The following SESTD1 variants were observed in gnomAD, a reference collection of about 807,000 sequenced individuals.
The protein encoded by SESTD1 is SEC14 domain and spectrin repeat-containing protein 1.
Under a neutral mutation model 101.7 loss-of-function variants are expected in SESTD1, and 43 were observed. The observed-to-expected ratio is 0.42, with a 90% CI of 0.33 to 0.55. The LOEUF (loss-of-function observed/expected upper bound fraction) is 0.55. Ranked by LOEUF, SESTD1 falls within the 20% of genes least tolerant of loss-of-function variation. SESTD1 has a pLI of 0.07. For synonymous variants in SESTD1, 283 were observed against 286.8 expected, an observed-to-expected ratio of 0.99 and a Z score of 0.13; for missense variants, 647 against 815.1, an observed-to-expected ratio of 0.79 and a Z score of 2.51.
intron 9 of SESTD1, among the ~76,000 whole-genome samples, chr2:179,143,213 T>C (rs1396893298): frequency 6.6e-6 from 1 of 152,124 alleles, no homozygotes; most frequent in Non-Finnish European, 1.5e-5. Flanking sequence ...GTTATTTTGT[T>C]AGGATAGAAA....
intron 16 of SESTD1, 66 bp downstream of exon 16, chr2:179,114,999 A>G: frequency 2.2e-6 from 3 of 1,370,660 alleles, no homozygotes; most frequent in Non-Finnish European, 3.0e-6. Context: ...CATTACTAAA[A>G]TTAACATATT....
At chr2:179,197,349 T>C (rs1410761919) in intron 1 of SESTD1, among the ~76,000 whole-genome samples, 5 of 152,050 alleles carry the variant, frequency 3.3e-5, no homozygotes, top group Admixed American at 6.5e-5. Flanking sequence ...TACCTGAAAG[T>C]GATGGGGAGA....
chr2:179,154,424 T>C (rs1432819028), intron 5 of SESTD1, among the ~76,000 whole-genome samples: 1 of 152,172 alleles, frequency 6.6e-6, no homozygotes, highest in Non-Finnish European at 1.5e-5. Context: ...TATAAAATGA[T>C]TCCAGCTAGT....
chr2:179,258,564 T>G (rs569572014), intron 1 of SESTD1, among the ~76,000 whole-genome samples: 7 of 152,340 alleles, frequency 4.6e-5, no homozygotes, highest in South Asian at 2.1e-4. Context: ...GCAAATCTAC[T>G]AGAAGGCAAT....
At chr2:179,136,000 T>G (rs937136235) in intron 9 of SESTD1, among the ~76,000 whole-genome samples, 1 of 152,164 alleles carries the variant, frequency 6.6e-6, no homozygotes, top group Non-Finnish European at 1.5e-5. Context: ...AGGGCTAGGG[T>G]ACTAGGATTC....
chr2:179,252,892 C>T (rs892801762), intron 1 of SESTD1, among the ~76,000 whole-genome samples: 7 of 152,170 alleles, frequency 4.6e-5, no homozygotes, highest in African/African-American at 1.7e-4. Flanking sequence ...GTTTGATACC[C>T]CTTTCTTTCT....
chr2:179,155,345 A>T (rs1049604521), intron 5 of SESTD1, among the ~76,000 whole-genome samples: 1 of 152,190 alleles, frequency 6.6e-6, no homozygotes, highest in Admixed American at 6.5e-5. Flanking sequence ...ATATAACTAT[A>T]TATACTAAGA....
At position 179,106,329 on chromosome 2, in the gene SESTD1, C is replaced by T. The variant is rs576356798; in HGVS notation, c.*3570G>A. The T allele has an allele frequency of 6.6e-6, 1 of 152,272 alleles. No individual in the cohort carries two copies. The highest frequency in any genetic ancestry group is 6.5e-5 in the Admixed American group (1 of 15,290). 9.4% of individuals were successfully genotyped at this position (152,272 alleles called of 1,614,324 possible). On this transcript the variant is annotated 3_prime_UTR_variant, in exon 18 of 18. Transcript: ENST00000428443. ...AGTAGCAACAGTATTTTACTACGGCCTTGTGTACTTTGGGTAGGATGTGAG... is the reference window on the plus strand; with the variant it reads ...AGTAGCAACAGTATTTTACTACGGCTTTGTGTACTTTGGGTAGGATGTGAG...
At chr2:179,111,788 C>T (rs1207072317) in intron 17 of SESTD1, among the ~76,000 whole-genome samples, 3 of 149,074 alleles carry the variant, frequency 2.0e-5, no homozygotes, top group Admixed American at 6.7e-5. Context: ...GGCGTGATCT[C>T]GGCTCACTGC....
intron 10 of SESTD1, among the ~76,000 whole-genome samples, chr2:179,130,562 T>C (rs778653924): frequency 2.0e-5 from 3 of 152,098 alleles, no homozygotes; most frequent in Non-Finnish European, 4.4e-5. Flanking sequence ...TTTGTAAACT[T>C]AGAGTACAGT....
intron 3 of SESTD1, among the ~76,000 whole-genome samples, chr2:179,176,975 G>A (rs1027750035): frequency 6.6e-6 from 1 of 152,166 alleles, no homozygotes; most frequent in African/African-American, 2.4e-5. Context: ...GTTCAAAACA[G>A]ATAGAAAATA....
chr2:179,135,775 C>A (rs2045128299), intron 9 of SESTD1, among the ~76,000 whole-genome samples: 2 of 152,108 alleles, frequency 1.3e-5, no homozygotes, highest in South Asian at 4.1e-4. Context: ...ACCCAAAAAT[C>A]TAGACAGCAA....
chr2:179,253,724 G>A (rs2047352461), intron 1 of SESTD1, among the ~76,000 whole-genome samples: 1 of 152,148 alleles, frequency 6.6e-6, no homozygotes, highest in East Asian at 1.9e-4. Context: ...AGAATCTGAT[G>A]ACACTGACTT....
At chr2:179,243,675 C>T (rs1353383328) in intron 1 of SESTD1, among the ~76,000 whole-genome samples, 1 of 150,108 alleles carries the variant, frequency 6.7e-6, no homozygotes, top group Non-Finnish European at 1.5e-5. Flanking sequence ...CCAAATACCG[C>T]ATGTTCTCAC....
chr2:179,257,943 G>T (rs1219311767), intron 1 of SESTD1, among the ~76,000 whole-genome samples: 1 of 152,192 alleles, frequency 6.6e-6, no homozygotes, highest in Non-Finnish European at 1.5e-5. Flanking sequence ...CAAAGGGTTA[G>T]ATGTTTCTCA....
chr2:179,227,629 C>T (rs534056904), intron 1 of SESTD1, among the ~76,000 whole-genome samples: 2 of 152,206 alleles, frequency 1.3e-5, no homozygotes, highest in South Asian at 4.2e-4. Flanking sequence ...GTTTCCTTTA[C>T]AAAAAATGAT....
chr2:179,140,262 G>A (rs2045247171), intron 9 of SESTD1, among the ~76,000 whole-genome samples: 1 of 152,090 alleles, frequency 6.6e-6, no homozygotes, highest in Admixed American at 6.6e-5. Context: ...CTGACCCACA[G>A]TACCTCAGAT....
intron 1 of SESTD1, among the ~76,000 whole-genome samples, chr2:179,241,273 AG>A (rs2047148621): frequency 6.6e-6 from 1 of 152,104 alleles, no homozygotes; most frequent in South Asian, 2.1e-4. Flanking sequence ...CAGAGGAGAA[AG>A]GGAGGGGAGG....
chr2:179,232,786 C>T (rs1027391535), intron 1 of SESTD1, among the ~76,000 whole-genome samples: 12 of 152,064 alleles, frequency 7.9e-5, no homozygotes, highest in African/African-American at 2.7e-4. Flanking sequence ...CAGTGTTCTA[C>T]TTTTTGTATA....
Sources: allele counts gnomAD v4.1 joint callset (sites outside exome capture counted in the v4.1 genomes callset), GRCh38; gene constraint gnomAD v4.1.1; transcripts MANE v1.5; gene names NCBI Gene and HGNC (gene_info 2026-07-23, HGNC 2026-07-21).